The following MED12L variants were observed in gnomAD, a reference collection of about 807,000 sequenced individuals.
MED12L encodes mediator complex subunit 12L.
A neutral mutation model predicts 281.3 loss-of-function variants in MED12L; 60 were observed. The ratio of observed to expected loss-of-function variants is 0.21; its 90% CI spans 0.17 to 0.26. The LOEUF (loss-of-function observed/expected upper bound fraction) is 0.26, where lower values mean the gene tolerates loss of function less well. Among genes scored for constraint, MED12L ranks in the 10% least tolerant of loss-of-function variants. The pLI is 1.00. For missense variants in MED12L, 2,146 were observed against 2,680.9 expected (o/e 0.80, Z 4.41); for synonymous variants, 974 against 987.2 (o/e 0.99, Z 0.25).
rs1235293277 is a variant in MED12L, at chr3:151,165,902, G to C, written c.1414G>C (p.Asp472His). Reference sequence around the variant, plus strand: ...GGAAGTTTTGGATCGTCACTGTTTTGACCGAACTGATTCCAGCAATTCCAT... The same window carrying C: ...GGAAGTTTTGGATCGTCACTGTTTTCACCGAACTGATTCCAGCAATTCCAT... ...TLEVLDRHCF[D>H]RTDSSNSMET... is the part of the protein sequence containing the mutation. The change falls in exon 11 of 45, where the codon GAC (aspartate) becomes CAC (histidine). Residue 472 changes from aspartate to histidine, a missense_variant. This residue lies in a region of MED12L where 722 missense variants were observed against 861.2 expected (regional missense o/e 0.84). Transcript: ENST00000687756. 1.2e-6 allele frequency: 2 copies of C among 1,614,034 alleles called. No individual in the cohort carries two copies. The highest frequency in any genetic ancestry group is 1.7e-6 in the Non-Finnish European group (2 of 1,179,940).
intron 16 of MED12L, among the ~76,000 whole-genome samples, chr3:151,230,552 G>A (rs1196923014): frequency 6.8e-6 from 1 of 147,126 alleles, no homozygotes; most frequent in Non-Finnish European, 1.5e-5. Flanking sequence ...GCCAGGACTA[G>A]TTTTGTTTTA....
chr3:151,123,546 G>C (rs1297265799), intron 4 of MED12L, among the ~76,000 whole-genome samples: 1 of 152,148 alleles, frequency 6.6e-6, no homozygotes, highest in Non-Finnish European at 1.5e-5. Context: ...TTTTTCTCAA[G>C]TGGGAAATAA....
At chr3:151,411,571 C>T in intron 41 of MED12L, 64 bp downstream of exon 41, 1 of 1,378,104 alleles carries the variant, frequency 7.3e-7, no homozygotes, top group Non-Finnish European at 1.0e-6. Context: ...TCTTATGCTT[C>T]TTATAGGGCA....
intron 16 of MED12L, among the ~76,000 whole-genome samples, chr3:151,226,680 A>G (rs1730552794): frequency 6.6e-6 from 1 of 151,406 alleles, no homozygotes; most frequent in Admixed American, 6.6e-5. Flanking sequence ...TTTGTTTTTG[A>G]TCTGAGTTTT....
At chr3:151,269,397 T>TCATACA (rs1553764472) in intron 16 of MED12L, 1 of 144,512 alleles carries the variant, frequency 6.9e-6, no homozygotes, top group African/African-American at 2.9e-5. Flanking sequence ...TGAAACTCCA[T>TCATACA]CACACACACA....
rs781311549 is a variant in MED12L at position 151,165,874 on chromosome 3, G to A, written c.1386G>A (p.Thr462=). Residue 462 remains threonine, a synonymous_variant, in exon 11 of 45, where the codon ACG becomes ACA. Transcript: ENST00000687756. ...AGVTISRVLH[T]LEVLDRHCFD... is the part of the protein sequence containing the mutation. The stretch of plus-strand genomic sequence containing the variant: ...TGACTATTAGTCGGGTTTTGCACAC[G>A]TTGGAAGTTTTGGATCGTCACTGTT... 31 of 1,613,876 alleles carry A rather than the reference G, an allele frequency of 1.9e-5. No individual in the cohort carries two copies. Among genetic ancestry groups the A allele is most frequent in the East Asian group, 2.2e-5 (1 of 44,892 alleles).
At chr3:151,430,134 A>C (rs1225168612) in intron 43 of MED12L, among the ~76,000 whole-genome samples, 165 bp from the exon 44 acceptor site, 1 of 152,182 alleles carries the variant, frequency 6.6e-6, no homozygotes, top group Non-Finnish European at 1.5e-5. Flanking sequence ...CACCAGATGC[A>C]CAACAAGGTG....
chr3:151,416,805 T>G (rs531867254), intron 43 of MED12L, among the ~76,000 whole-genome samples: 1 of 152,218 alleles, frequency 6.6e-6, no homozygotes, highest in Non-Finnish European at 1.5e-5. Flanking sequence ...TGGGCGCACT[T>G]TCTAAAATAT....
rs1010615704 is a variant in MED12L, at chr3:151,358,112, A to T, written c.2825+736A>T. Reference sequence around the variant, plus strand: ...GTTCTTTGGTTTTATAGTACCTTTTATTTTTTTAATCTAGCACATGTAATC... The same window carrying T: ...GTTCTTTGGTTTTATAGTACCTTTTTTTTTTTTAATCTAGCACATGTAATC... On this transcript the variant is annotated intron_variant, in intron 20 of 44. Coordinates refer to ENST00000687756, the MANE Select transcript of MED12L (RefSeq NM_001393769.1). Among the ~76,000 whole-genome samples the T allele has an allele frequency of 2.0e-5, 3 of 151,950 alleles. No homozygotes were observed. In the South Asian group the frequency reaches 6.2e-4, roughly 32 times the overall value.
At chr3:151,230,659 C>A (rs545240042) in intron 16 of MED12L, among the ~76,000 whole-genome samples, 1 of 151,474 alleles carries the variant, frequency 6.6e-6, no homozygotes, top group Non-Finnish European at 1.5e-5. Flanking sequence ...CTATTTTCAA[C>A]GTCTCTTTCT....
At chr3:151,206,087 T>C (rs1002386733) in intron 16 of MED12L, among the ~76,000 whole-genome samples, 1 of 150,402 alleles carries the variant, frequency 6.6e-6, no homozygotes, top group Non-Finnish European at 1.5e-5. Flanking sequence ...TTTTTTTTTT[T>C]TTTTTGCACA....
intron 31 of MED12L, among the ~76,000 whole-genome samples, chr3:151,378,845 T>C (rs981816033): frequency 5.9e-5 from 9 of 152,246 alleles, no homozygotes; most frequent in African/African-American, 1.9e-4. Flanking sequence ...AATAATACTA[T>C]AGTAGCCACC....
chr3:151,222,167 G>GC (rs971854793), intron 16 of MED12L, among the ~76,000 whole-genome samples: 18 of 152,352 alleles, frequency 1.2e-4, no homozygotes, highest in African/African-American at 4.1e-4. Flanking sequence ...TTTACCCAAT[G>GC]CCTGTACTGC....
chr3:151,337,961 C>G, intron 16 of MED12L: 1 of 1,614,052 alleles, frequency 6.2e-7, no homozygotes, highest in Non-Finnish European at 8.5e-7. Context: ...AATAGATGAA[C>G]GGATCCAGGC....
intron 16 of MED12L, chr3:151,338,990 G>A (rs1401900485): frequency 2.7e-6 from 2 of 746,618 alleles, no homozygotes; most frequent in African/African-American, 3.5e-5. Context: ...GTAGTAGTTA[G>A]TATGAACACA....
chr3:151,207,404 C>G (rs1175836643), intron 16 of MED12L, among the ~76,000 whole-genome samples: 1 of 151,884 alleles, frequency 6.6e-6, no homozygotes, highest in Non-Finnish European at 1.5e-5. Flanking sequence ...TTGTAATGCT[C>G]CAGACTGTGG....
intron 16 of MED12L, chr3:151,294,294 A>T: frequency 3.1e-6 from 5 of 1,614,046 alleles, no homozygotes; most frequent in Non-Finnish European, 4.2e-6. Flanking sequence ...AATGACCTAC[A>T]CATGAAAAAG....
In MED12L at chr3:151,198,491, GTCTCA is replaced by G. The variant is rs745611545; in HGVS notation, c.2250+4826_2250+4830del. 2.5e-6 allele frequency: 4 copies of G among 1,613,330 alleles called. No homozygotes were observed. The East Asian group carries it at 8.9e-5, about 36-fold the overall frequency. ...CTTGGTCTCTTTAGGTGAGGCAAAA[GTCTCA>G]GTGACCTTTGAGCGGAATGCTTTTG... On this transcript the variant is annotated intron_variant, in intron 16 of 44. Transcript: ENST00000687756.
intron 39 of MED12L, among the ~76,000 whole-genome samples, chr3:151,396,169 C>G (rs1313257300): frequency 6.6e-6 from 1 of 151,886 alleles, no homozygotes; most frequent in Non-Finnish European, 1.5e-5. Context: ...CCTAAATAAG[C>G]AACATGTTTA....
Sources: gnomAD v4.1 joint callset for allele counts (sites outside exome capture counted in the v4.1 genomes callset) on GRCh38, gnomAD v4.1.1 for gene constraint, gnomAD v4.1.1 regional missense constraint, MANE v1.5 for transcripts, NCBI Gene and HGNC (gene_info 2026-07-23, HGNC 2026-07-21) for gene names.